The following WWOX variants were observed in gnomAD, a reference collection of about 807,000 sequenced individuals.
WWOX encodes WW domain-containing oxidoreductase.
A neutral mutation model predicts 46.2 loss-of-function variants in WWOX; 69 were observed. The ratio of observed to expected loss-of-function variants is 1.49; its 90% CI spans 1.23 to 1.82. WWOX has a LOEUF of 1.82. Ranked by LOEUF, WWOX falls within the 40% of genes most tolerant of loss-of-function variation. The pLI is 0.00. For synonymous variants in WWOX, 359 were observed against 202.6 expected (o/e 1.77, Z -6.56); for missense variants, 919 against 542.6 (o/e 1.69, Z -6.89).
chr16:78,786,522 T>A (rs980806433), intron 8 of WWOX, among the ~76,000 whole-genome samples: 2 of 152,246 alleles, frequency 1.3e-5, no homozygotes, highest in African/African-American at 4.8e-5. Flanking sequence ...AGTAACCTTA[T>A]ATAATGTTTT....
intron 6 of WWOX, among the ~76,000 whole-genome samples, chr16:78,412,325 G>C (rs2082700538): frequency 6.6e-6 from 1 of 152,130 alleles, no homozygotes; most frequent in Admixed American, 6.5e-5. Flanking sequence ...TTTAGATTTA[G>C]GCATGTTGAC....
At chr16:78,141,474 T>C (rs958907324) in intron 4 of WWOX, among the ~76,000 whole-genome samples, 2 of 144,366 alleles carry the variant, frequency 1.4e-5, no homozygotes, top group African/African-American at 5.2e-5. Flanking sequence ...TTTGAGAATA[T>C]AGTGGAACCT....
At chr16:78,108,533 G>C (rs372643585) in intron 2 of WWOX, 46 bp downstream of exon 2, 40 of 1,604,962 alleles carry the variant, frequency 2.5e-5, no homozygotes, top group Admixed American at 1.7e-5. Flanking sequence ...GCATTAAGTA[G>C]ATGAGGAAAT....
At chr16:79,136,497 G>A (rs2049532012) in intron 8 of WWOX, among the ~76,000 whole-genome samples, 1 of 152,154 alleles carries the variant, frequency 6.6e-6, no homozygotes, top group Non-Finnish European at 1.5e-5. Flanking sequence ...CCAAAGTGCT[G>A]GGATTACAGG....
intron 8 of WWOX, among the ~76,000 whole-genome samples, chr16:78,635,897 A>T (rs766943360): frequency 4.6e-5 from 7 of 152,302 alleles, no homozygotes; most frequent in Non-Finnish European, 1.0e-4. Flanking sequence ...AAACCAGGAC[A>T]CAGAGAAAAG....
chr16:78,866,572 A>C (rs897539814), intron 8 of WWOX, among the ~76,000 whole-genome samples: 5 of 152,158 alleles, frequency 3.3e-5, no homozygotes, highest in African/African-American at 4.8e-5. Context: ...TTGGAAGGGG[A>C]ACAAAATCAC....
At chr16:78,600,602 T>C (rs2045598842) in intron 8 of WWOX, among the ~76,000 whole-genome samples, 1 of 152,122 alleles carries the variant, frequency 6.6e-6, no homozygotes, top group South Asian at 2.1e-4. Flanking sequence ...GAAGGACCCA[T>C]CTTGTGACTG....
intron 8 of WWOX, chr16:78,757,025 C>T (rs2049667797): frequency 1.4e-6 from 1 of 702,862 alleles, no homozygotes; most frequent in Non-Finnish European, 2.6e-6. Flanking sequence ...TGTGAGTGAA[C>T]CACGTTCGAA....
In WWOX at chr16:78,570,485, A is replaced by G. The variant is rs138693223; in HGVS notation, c.1056+137733A>G. On this transcript the variant is annotated intron_variant, in intron 8 of 8. Transcript: ENST00000566780. ...CACCATGCCTGCCTAATTTTTTTTA[A>G]TTTTTCTTTTATAGAGATGCAGTAT... Among the ~76,000 whole-genome samples, 708 of 151,538 alleles carry G rather than the reference A, an allele frequency of 4.7e-3. 10 individuals carry two copies. Among genetic ancestry groups the G allele is most frequent in the Non-Finnish European group, 4.5e-3 (307 of 67,878 alleles).
intron 6 of WWOX, among the ~76,000 whole-genome samples, chr16:78,413,302 A>G (rs111798867): frequency 6.6e-6 from 1 of 152,168 alleles, no homozygotes; most frequent in Non-Finnish European, 1.5e-5. Context: ...GAGACCACCA[A>G]ACAGGGTTTG....
intron 8 of WWOX, among the ~76,000 whole-genome samples, chr16:78,461,239 A>G (rs895274654): frequency 6.6e-6 from 1 of 152,188 alleles, no homozygotes; most frequent in African/African-American, 2.4e-5. Context: ...GTCCAATTCT[A>G]GCTTCTCCTG....
intron 8 of WWOX, among the ~76,000 whole-genome samples, chr16:78,723,476 C>G (rs1267380280): frequency 7.8e-6 from 1 of 128,734 alleles, no homozygotes; most frequent in African/African-American, 3.1e-5. Flanking sequence ...TTGTTCTTAT[C>G]TGCATGTTTC....
At chr16:78,516,163 G>A (rs1428361304) in intron 8 of WWOX, among the ~76,000 whole-genome samples, 1 of 152,130 alleles carries the variant, frequency 6.6e-6, no homozygotes, top group African/African-American at 2.4e-5. Context: ...AGAAGTACCT[G>A]CTGCCCAAGA....
chr16:78,439,600 T>C (rs1401178973), intron 8 of WWOX, among the ~76,000 whole-genome samples: 1 of 152,244 alleles, frequency 6.6e-6, no homozygotes, highest in Non-Finnish European at 1.5e-5. Context: ...GTATTCAAAC[T>C]GCAGCCTCTA....
chr16:78,437,021 A>G (rs192136694), intron 8 of WWOX, among the ~76,000 whole-genome samples: 1 of 152,330 alleles, frequency 6.6e-6, no homozygotes, highest in East Asian at 1.9e-4. Flanking sequence ...CCAGATGGCT[A>G]GTGTGCTCTG....
intron 8 of WWOX, among the ~76,000 whole-genome samples, chr16:78,859,061 T>TTTTC (rs1418220575): frequency 1.3e-5 from 1 of 77,436 alleles, no homozygotes; most frequent in East Asian, 2.8e-4. Context: ...TATATATATA[T>TTTTC]ATATATATAT....
At chr16:78,219,943 C>CTA (rs1435730384) in intron 5 of WWOX, among the ~76,000 whole-genome samples, 2 of 152,130 alleles carry the variant, frequency 1.3e-5, no homozygotes, top group Admixed American at 6.5e-5. Context: ...TGTATTTGAA[C>CTA]TATATATATC....
At chr16:78,684,709 C>T (rs1216391872) in intron 8 of WWOX, among the ~76,000 whole-genome samples, 2 of 152,164 alleles carry the variant, frequency 1.3e-5, no homozygotes, top group African/African-American at 2.4e-5. Context: ...ATCTTGGTTT[C>T]AGCTGCTTTA....
chr16:78,955,926 G>C (rs1207778340), intron 8 of WWOX, among the ~76,000 whole-genome samples: 11 of 151,282 alleles, frequency 7.3e-5, no homozygotes, highest in Non-Finnish European at 1.2e-4. Context: ...GAGATTACAT[G>C]CATGAGCCAC....
Sources: gnomAD v4.1 joint callset for allele counts (sites outside exome capture counted in the v4.1 genomes callset) on GRCh38, gnomAD v4.1.1 for gene constraint, MANE v1.5 for transcripts, NCBI Gene and HGNC (gene_info 2026-07-23, HGNC 2026-07-21) for gene names.